Variants in SLC14A2 observed in about 807,000 individuals in gnomAD.
SLC14A2 encodes solute carrier family 14 member 2.
Under a neutral mutation model 104.6 loss-of-function variants are expected in SLC14A2, and 91 were observed. The observed-to-expected ratio is 0.87, with a 90% confidence interval of 0.73 to 1.04. The LOEUF (loss-of-function observed/expected upper bound fraction) is 1.04, where lower values mean the gene tolerates loss of function less well. SLC14A2 is among the 50% of genes least tolerant of loss of function. The pLI is 0.00. For missense variants in SLC14A2, 1,189 were observed against 1,156.0 expected, an observed-to-expected ratio of 1.03 and a Z score of -0.41; for synonymous variants, 476 against 466.4, an observed-to-expected ratio of 1.02 and a Z score of -0.27.
chr18:45,658,840 C>T (rs185446723), intron 10 of SLC14A2, among the ~76,000 whole-genome samples: 4 of 152,008 alleles, frequency 2.6e-5, no homozygotes, highest in Non-Finnish European at 5.9e-5. Flanking sequence ...AGGCATGAGT[C>T]CTTCAGGATC....
intron 2 of SLC14A2, among the ~76,000 whole-genome samples, chr18:45,525,728 G>A (rs988489367): frequency 6.6e-6 from 1 of 152,178 alleles, no homozygotes; most frequent in African/African-American, 2.4e-5. Context: ...AAGAGCAGGA[G>A]TGTATTTTCT....
chr18:45,637,647 G>A (rs575894237), intron 6 of SLC14A2, among the ~76,000 whole-genome samples: 143 of 152,256 alleles, frequency 9.4e-4, no homozygotes, highest in African/African-American at 3.3e-3. Context: ...CTCTCTTAGT[G>A]GTTCTCAGGC....
In SLC14A2 at chr18:45,279,125, C is replaced by A. The variant is rs534612420; in HGVS notation, c.-125+65934C>A. Among the ~76,000 whole-genome samples, 89 of 152,326 alleles carry A rather than the reference C, an allele frequency of 5.8e-4. 1 individual carries two copies. The highest frequency in any genetic ancestry group is 5.8e-4 in the East Asian group (3 of 5,186). On this transcript the variant is annotated intron_variant, in intron 1 of 20. Coordinates refer to the SLC14A2 transcript ENST00000586448. ...GGCCACATGGAGGGTTCAGCTCCCC[C>A]TCAGCAGACAACTACTGACTGTCCA...
chr18:45,398,486 T>C (rs1040299278), intron 1 of SLC14A2, among the ~76,000 whole-genome samples: 2 of 152,136 alleles, frequency 1.3e-5, no homozygotes, highest in African/African-American at 4.8e-5. Context: ...CAGGGAGATA[T>C]TTGTACACCA....
chr18:45,569,568 G>A (rs1245753197), intron 2 of SLC14A2, among the ~76,000 whole-genome samples: 1 of 152,128 alleles, frequency 6.6e-6, no homozygotes, highest in African/African-American at 2.4e-5. Flanking sequence ...CAATATATCT[G>A]GGAAATCAAT....
chr18:45,242,430 G>A (rs145119403), intron 1 of SLC14A2, among the ~76,000 whole-genome samples: 2 of 152,314 alleles, frequency 1.3e-5, no homozygotes, highest in African/African-American at 2.4e-5. Flanking sequence ...GGGAAAACTC[G>A]ATTGCTCCAT....
intron 1 of SLC14A2, among the ~76,000 whole-genome samples, chr18:45,297,788 C>G (rs2084931266): frequency 6.6e-6 from 1 of 152,162 alleles, no homozygotes; most frequent in African/African-American, 2.4e-5. Context: ...CTTGACCAGT[C>G]TTTTTCAGGG....
intron 1 of SLC14A2, among the ~76,000 whole-genome samples, chr18:45,222,033 C>A: frequency 6.6e-6 from 1 of 152,094 alleles, no homozygotes; most frequent in East Asian, 1.9e-4. Flanking sequence ...CATTAAGATA[C>A]AAAGAGAGAA....
intron 2 of SLC14A2, 30 bp downstream of exon 2, chr18:45,624,844 T>C (rs767973567): frequency 1.3e-6 from 2 of 1,577,518 alleles, no homozygotes; most frequent in Admixed American, 3.6e-5. Flanking sequence ...GGATGTTTCC[T>C]GGGAGGGAGG....
chr18:45,185,150 A>G, the SLC14A2 span, among the ~76,000 whole-genome samples: 2 of 152,178 alleles, frequency 1.3e-5, no homozygotes, highest in African/African-American at 4.8e-5. Flanking sequence ...CACTTGAACC[A>G]CTTAGTGCTC....
At chr18:45,340,527 G>A (rs2085383186) in intron 1 of SLC14A2, among the ~76,000 whole-genome samples, 1 of 152,168 alleles carries the variant, frequency 6.6e-6, no homozygotes, top group South Asian at 2.1e-4. Context: ...TATTCAATCG[G>A]AGTCCATCAT....
intron 1 of SLC14A2, among the ~76,000 whole-genome samples, chr18:45,349,706 A>G (rs1428953793): frequency 2.6e-5 from 4 of 152,204 alleles, no homozygotes; most frequent in Non-Finnish European, 5.9e-5. Context: ...CATTTCCCCA[A>G]ATGTTTCCCT....
chr18:45,470,476 T>A (rs1365333839), intron 1 of SLC14A2, among the ~76,000 whole-genome samples: 2 of 152,242 alleles, frequency 1.3e-5, no homozygotes, highest in African/African-American at 4.8e-5. Flanking sequence ...GTACTCAGTT[T>A]AGACATCACA....
intron 1 of SLC14A2, among the ~76,000 whole-genome samples, chr18:45,340,301 T>C (rs143221809): frequency 6.6e-6 from 1 of 152,354 alleles, no homozygotes; most frequent in African/African-American, 2.4e-5. Flanking sequence ...GGACCTAAGA[T>C]TTAGAAATGA....
At chr18:45,679,100 A>T in intron 19 of SLC14A2, 76 bp downstream of exon 19, 1 of 1,360,484 alleles carries the variant, frequency 7.4e-7, no homozygotes, top group Admixed American at 1.9e-5. Flanking sequence ...ACCTGCTGAA[A>T]ACCTCTCTCC....
intron 1 of SLC14A2, among the ~76,000 whole-genome samples, chr18:45,427,875 C>G (rs2086457459): frequency 6.6e-6 from 1 of 152,140 alleles, no homozygotes; most frequent in African/African-American, 2.4e-5. Context: ...TTAGGAAAGC[C>G]ATAAGATCTC....
intron 1 of SLC14A2, among the ~76,000 whole-genome samples, chr18:45,402,385 G>C (rs1193070395): frequency 1.3e-5 from 2 of 152,166 alleles, no homozygotes; most frequent in Admixed American, 1.3e-4. Flanking sequence ...CACAAAAGAC[G>C]CTAATAAAGG....
intron 1 of SLC14A2, among the ~76,000 whole-genome samples, chr18:45,292,320 A>G (rs2084878314): frequency 6.6e-6 from 1 of 152,208 alleles, no homozygotes; most frequent in Non-Finnish European, 1.5e-5. Context: ...ATCTGTCTGT[A>G]TATGTAACTA....
chr18:45,539,925 A>T (rs1037580770), intron 2 of SLC14A2, among the ~76,000 whole-genome samples: 1 of 151,880 alleles, frequency 6.6e-6, no homozygotes, highest in Admixed American at 6.6e-5. Context: ...AAAAACAGTA[A>T]TGTCTGTATC....
Sources: gnomAD v4.1 joint callset for allele counts (sites outside exome capture counted in the v4.1 genomes callset) on GRCh38, gnomAD v4.1.1 for gene constraint, MANE v1.5 for transcripts, NCBI Gene and HGNC (gene_info 2026-07-23, HGNC 2026-07-21) for gene names.